SV2B: variants seen among roughly 807,000 people sequenced by gnomAD.
SV2B encodes solute carrier family 22 member B2.
SV2B carries 41 observed loss-of-function variants against 73.9 expected under a neutral mutation model. The ratio of observed to expected loss-of-function variants is 0.56; its 90% CI spans 0.43 to 0.72. The LOEUF (loss-of-function observed/expected upper bound fraction) is 0.72, where lower values mean the gene tolerates loss of function less well. Ranked by LOEUF, SV2B falls within the 30% of genes least tolerant of loss-of-function variation. The pLI is 0.00. For synonymous variants in SV2B, 314 were observed against 314.2 expected (o/e 1.00, Z 0.01); for missense variants, 764 against 857.8 (o/e 0.89, Z 1.37).
At chr15:91,256,499 T>A (rs1273800507) in intron 4 of SV2B, among the ~76,000 whole-genome samples, 1 of 152,228 alleles carries the variant, frequency 6.6e-6, no homozygotes, top group Non-Finnish European at 1.5e-5. Context: ...GTGGTTTCGA[T>A]CACCTTTACT....
chr15:91,221,584 G>T (rs1233031216), intron 1 of SV2B, among the ~76,000 whole-genome samples: 1 of 152,010 alleles, frequency 6.6e-6, no homozygotes, highest in African/African-American at 2.4e-5. Flanking sequence ...GATAGGAAAT[G>T]CACCACTTGT....
In SV2B at chr15:91,241,814, C is replaced by G. The variant is rs1199390563; in HGVS notation, c.452-10005C>G. 6.6e-6 allele frequency among the ~76,000 whole-genome samples: 1 copy of G among 152,180 alleles called. No individual in the cohort carries two copies. Among genetic ancestry groups the G allele is most frequent in the African/African-American group, 2.4e-5 (1 of 41,422 alleles). On this transcript the variant is annotated intron_variant, in intron 2 of 12. Transcript: ENST00000394232. This position sits in a 1 kb window ranked among gnomAD's most constrained non-coding sequence, Gnocchi z 4.8. ...CTCCTCCTCATCAATATTTATCTCT[C>G]TATGGAATCATTCCCACCAGCACAC...
At chr15:91,127,373 C>T (rs2042515326) in intron 1 of SV2B, among the ~76,000 whole-genome samples, 1 of 151,892 alleles carries the variant, frequency 6.6e-6, no homozygotes, top group African/African-American at 2.4e-5. Context: ...ATCAACTGTG[C>T]CCTTTGTGTG....
chr15:91,193,788 C>G (rs1470004832), intron 1 of SV2B, among the ~76,000 whole-genome samples: 3 of 152,128 alleles, frequency 2.0e-5, no homozygotes, highest in African/African-American at 4.8e-5. Context: ...CTGGAATGGA[C>G]TTAAATGATA....
intron 1 of SV2B, among the ~76,000 whole-genome samples, chr15:91,169,404 T>A (rs963691682): frequency 6.6e-6 from 1 of 152,182 alleles, no homozygotes; most frequent in South Asian, 2.1e-4. Context: ...AGTGAACGAA[T>A]GAATGAAAGA....
chr15:91,226,151 A>G lies in SV2B; in HGVS notation c.-113A>G. The G allele has an allele frequency of 9.6e-7, 1 of 1,038,788 alleles. No homozygotes were observed. The highest frequency in any genetic ancestry group is 1.4e-6 in the Non-Finnish European group (1 of 710,036). The allele number at this position is 1,038,788 out of a possible 1,614,324, so 64.3% of individuals were successfully genotyped here. On this transcript the variant is annotated 5_prime_UTR_variant, in exon 2 of 13. Coordinates refer to ENST00000394232, the MANE Select transcript of SV2B (RefSeq NM_001323032.3). ...CTTTCACCTAAGAAGTCACATGAAC[A>G]TATTTCACATTTGAACTACATAATG...
intron 9 of SV2B, among the ~76,000 whole-genome samples, chr15:91,269,976 G>A (rs1453827484): frequency 2.6e-5 from 4 of 152,158 alleles, no homozygotes; most frequent in Non-Finnish European, 2.9e-5. Context: ...TTGTGGTGGT[G>A]GAAGGCAGTT....
chr15:91,208,399 A>G (rs975859589), intron 1 of SV2B, among the ~76,000 whole-genome samples: 1 of 152,204 alleles, frequency 6.6e-6, no homozygotes, highest in Non-Finnish European at 1.5e-5. Flanking sequence ...AAATAAAACA[A>G]CATGATGTTA....
chr15:91,195,007 G>A (rs936846202), intron 1 of SV2B, among the ~76,000 whole-genome samples: 5 of 151,706 alleles, frequency 3.3e-5, no homozygotes, highest in African/African-American at 1.2e-4. Context: ...CAGGGCCTGG[G>A]AGGCCCACAG....
intron 1 of SV2B, among the ~76,000 whole-genome samples, chr15:91,179,462 C>T (rs1234573975): frequency 6.6e-6 from 1 of 152,044 alleles, no homozygotes; most frequent in Non-Finnish European, 1.5e-5. Context: ...GACTTTCTGT[C>T]TCGTTGATCT....
Position 91,284,040 on chromosome 15 carries a change from C to T in SV2B, c.1527C>T (p.Phe509=). The T allele has an allele frequency of 6.2e-7, 1 of 1,614,170 alleles. No individual in the cohort carries two copies. The highest frequency in any genetic ancestry group is 8.5e-7 in the Non-Finnish European group (1 of 1,180,028). ...FYNTDLYEHK[F]INCRFINSTF... ...CCCCAGACCTCTACGAGCACAAGTT[C>T]ATCAACTGTCGGTTTATCAACTCCA... is the stretch of plus-strand genomic sequence containing the variant. The change falls in exon 11 of 13, where the codon TTC becomes TTT. Residue 509 remains phenylalanine (F), a synonymous_variant. Transcript: ENST00000394232. This position sits in a 1 kb window ranked among gnomAD's most constrained non-coding sequence, Gnocchi z 4.5.
chr15:91,260,333 A>G lies in SV2B; in HGVS notation c.932A>G (p.Asp311Gly), dbSNP rs199587466. 2 of 1,610,728 alleles carry G rather than the reference A, an allele frequency of 1.2e-6. No homozygotes were observed. The highest frequency in any genetic ancestry group is 1.7e-6 in the Non-Finnish European group (2 of 1,179,216). The change falls in exon 6 of 13, where the codon GAT becomes GGT. Residue 311 changes from aspartate to glycine, a missense_variant. Asp to Gly is a moderately conservative substitution (Grantham distance 94). Transcript: ENST00000394232. ...PRFLLEMGKHDEAWMILKQVH... is the reference protein window; with the variant it reads ...PRFLLEMGKHGEAWMILKQVH... ...TGGTTTCACCAGATGGGCAAACATG[A>G]TGAAGCCTGGATGATTCTCAAGCAA...
chr15:91,116,224 C>A (rs1193548118), intron 1 of SV2B, among the ~76,000 whole-genome samples: 4 of 152,134 alleles, frequency 2.6e-5, no homozygotes, highest in African/African-American at 9.7e-5. Flanking sequence ...CGGTGTCAAA[C>A]TGCCTGCTAC....
chr15:91,209,277 A>G (rs564788624), intron 1 of SV2B, among the ~76,000 whole-genome samples: 10 of 151,954 alleles, frequency 6.6e-5, no homozygotes, highest in Non-Finnish European at 1.2e-4. Context: ...ATGTGCCACC[A>G]TGCCCAGCTA....
Position 91,283,929 on chromosome 15 carries a change from T to C in SV2B, c.1508-92T>C, listed in dbSNP as rs1427330236. The C allele has an allele frequency of 2.9e-6, 4 of 1,370,982 alleles. No individual in the cohort carries two copies. The highest frequency in any genetic ancestry group is 4.1e-6 in the Non-Finnish European group (4 of 973,384). The allele number at this position is 1,370,982 out of a possible 1,614,324, so 84.9% of individuals were successfully genotyped here. On this transcript the variant is annotated intron_variant, in intron 10 of 12. Transcript: ENST00000394232. The surrounding 1 kb of genome is among the most constrained non-coding windows in gnomAD (Gnocchi z 4.3). ...CTGGCAAAGGCTGGCACAGCCTGCCTACAGGAGGGGGCAGACTTCATCCCT... is the reference window on the plus strand; with the variant it reads ...CTGGCAAAGGCTGGCACAGCCTGCCCACAGGAGGGGGCAGACTTCATCCCT...
At chr15:91,127,782 G>C (rs773814807) in intron 1 of SV2B, among the ~76,000 whole-genome samples, 5 of 152,090 alleles carry the variant, frequency 3.3e-5, no homozygotes, top group Non-Finnish European at 7.4e-5. Context: ...CCATAGTGGA[G>C]TTAAGGTTTT....
At chr15:91,170,083 T>A (rs991754909) in intron 1 of SV2B, among the ~76,000 whole-genome samples, 3 of 152,218 alleles carry the variant, frequency 2.0e-5, no homozygotes, top group Non-Finnish European at 2.9e-5. Flanking sequence ...AAACAATTTT[T>A]AAAAATTTCT....
At position 91,289,360 on chromosome 15, in the gene SV2B, C is replaced by T. The variant is rs536044451; in HGVS notation, c.1709-161C>T. On this transcript the variant is annotated intron_variant, in intron 11 of 12. Coordinates refer to ENST00000394232, the MANE Select transcript of SV2B (RefSeq NM_001323032.3). This position sits in a 1 kb window ranked among gnomAD's most constrained non-coding sequence, Gnocchi z 4.9. ...ATGTCTGGGGTGCCTTGTGAGGATT[C>T]CAGCTGTGCTCTCTCTGTGTGGAGG... Among the ~76,000 whole-genome samples, 87 of 152,286 alleles carry T rather than the reference C, an allele frequency of 5.7e-4. No individual in the cohort carries two copies. Among genetic ancestry groups the T allele is most frequent in the African/African-American group, 1.9e-3 (79 of 41,548 alleles).
rs2047830970 is a variant in SV2B, at chr15:91,259,537, A to G, written c.919-783A>G. Among the ~76,000 whole-genome samples the G allele has an allele frequency of 2.0e-5, 3 of 152,200 alleles. No homozygotes were observed. In the South Asian group the frequency reaches 6.2e-4, roughly 31 times the overall value. ...TGAGTGTCCTAGGGCTGCTGTAGCA[A>G]AATGCCACAAACCGAGTGACTTAAA... On this transcript the variant is annotated intron_variant, in intron 5 of 12. Transcript: ENST00000394232.
Sources: allele counts gnomAD v4.1 joint callset (sites outside exome capture counted in the v4.1 genomes callset), GRCh38; gene constraint gnomAD v4.1.1; non-coding constraint Gnocchi (gnomAD v3.1); transcripts MANE v1.5; gene names NCBI Gene and HGNC (gene_info 2026-07-23, HGNC 2026-07-21).